PAPOLA: variants seen among roughly 807,000 people sequenced by gnomAD.
PAPOLA encodes the protein poly(A) polymerase alpha.
Under a neutral mutation model 100.6 loss-of-function variants are expected in PAPOLA, and 15 were observed. The ratio of observed to expected loss-of-function variants is 0.15; its 90% CI spans 0.10 to 0.23. The LOEUF (loss-of-function observed/expected upper bound fraction) is 0.23, where lower values mean the gene tolerates loss of function less well. PAPOLA is among the 10% of genes least tolerant of loss of function. The pLI is 1.00. For synonymous variants in PAPOLA, 293 were observed against 300.0 expected (o/e 0.98, Z 0.24); for missense variants, 533 against 884.2 (o/e 0.60, Z 5.04).
chr14:96,505,731 A>G (rs1031129917), intron 1 of PAPOLA, among the ~76,000 whole-genome samples: 4 of 152,184 alleles, frequency 2.6e-5, no homozygotes, highest in Non-Finnish European at 5.9e-5. Context: ...CAGAGGGTAC[A>G]TAATGTTCAA....
At chr14:96,512,952 C>G (rs566333159) in intron 1 of PAPOLA, among the ~76,000 whole-genome samples, 2 of 152,352 alleles carry the variant, frequency 1.3e-5, no homozygotes, top group South Asian at 4.1e-4. Flanking sequence ...AGACACTGCT[C>G]ATTTCAAGCT....
rs1902208098 is a variant in PAPOLA at position 96,565,579 on chromosome 14, C to T, written c.*529C>T. Reference sequence around the variant, plus strand: ...CTTCAGAGAAAGGGTAAGAGTACATCTAGTTCAGTTCCTATGAGGTAGCTG... The same window carrying T: ...CTTCAGAGAAAGGGTAAGAGTACATTTAGTTCAGTTCCTATGAGGTAGCTG... On this transcript the variant is annotated 3_prime_UTR_variant, in exon 22 of 22. Coordinates refer to ENST00000216277, the MANE Select transcript of PAPOLA (RefSeq NM_032632.5). 2.5e-6 allele frequency: 1 copy of T among 395,442 alleles called. No individual in the cohort carries two copies. Among genetic ancestry groups the T allele is most frequent in the Non-Finnish European group, 4.5e-6 (1 of 224,068 alleles). The allele number at this position is 395,442 out of a possible 1,614,324, so 24.5% of individuals were successfully genotyped here. A position where few individuals can be genotyped will look rare whatever the true frequency, so the allele number is the denominator to read the frequency against.
chr14:96,507,039 C>T (rs1447970284), intron 1 of PAPOLA, among the ~76,000 whole-genome samples: 9 of 152,078 alleles, frequency 5.9e-5, no homozygotes, highest in Non-Finnish European at 1.3e-4. Context: ...ATTATTTGAG[C>T]TTACAAGTTC....
intron 9 of PAPOLA, chr14:96,533,903 G>A (rs1289803617): frequency 4.1e-6 from 4 of 985,472 alleles, no homozygotes; most frequent in Non-Finnish European, 4.8e-6. Context: ...ATGTTTTTAA[G>A]AAGCTAACCT....
intron 17 of PAPOLA, among the ~76,000 whole-genome samples, chr14:96,553,998 T>TA (rs1290279264): frequency 6.6e-6 from 1 of 152,232 alleles, no homozygotes; most frequent in Non-Finnish European, 1.5e-5. Flanking sequence ...CTGTAAGTGT[T>TA]ATCATTTTAA....
intron 19 of PAPOLA, among the ~76,000 whole-genome samples, chr14:96,559,939 A>G (rs1254777937): frequency 1.3e-5 from 2 of 152,132 alleles, no homozygotes; most frequent in African/African-American, 2.4e-5. Context: ...GATTTGGCCA[A>G]TTGTGACACA....
At chr14:96,529,811 C>T (rs762102059) in intron 6 of PAPOLA, among the ~76,000 whole-genome samples, 2 of 152,106 alleles carry the variant, frequency 1.3e-5, no homozygotes, top group African/African-American at 2.4e-5. Context: ...TGAAATCATA[C>T]CCTCAGGGAT....
intron 17 of PAPOLA, among the ~76,000 whole-genome samples, chr14:96,553,840 G>A (rs1169850138): frequency 6.6e-6 from 1 of 152,192 alleles, no homozygotes; most frequent in African/African-American, 2.4e-5. Context: ...AATGGCAGAA[G>A]TGCGGGTTGG....
chr14:96,532,098 C>G (rs79482102), intron 7 of PAPOLA: 1 of 1,307,602 alleles, frequency 7.6e-7, no homozygotes, highest in Non-Finnish European at 9.7e-7. Context: ...ACTTTGGTTT[C>G]TTTGGTCAGT....
At position 96,535,963 on chromosome 14, in the gene PAPOLA, T is replaced by G; in HGVS notation, c.994T>G (p.Ser332Ala). The G allele has an allele frequency of 6.2e-7, 1 of 1,607,328 alleles. No individual in the cohort carries two copies. The highest frequency in any genetic ancestry group is 8.5e-7 in the Non-Finnish European group (1 of 1,176,458). ...GAACTCCACGTACAATGTGTCCGTT[T>G]CAACACGGATGGTCATGGTTGAGGA... ...QQNSTYNVSV[S>A]TRMVMVEEFK... The change falls in exon 11 of 22, where the codon TCA becomes GCA. Residue 332 changes from serine to alanine, a missense_variant. Around this residue, in one of 9 missense-constraint regions of PAPOLA, gnomAD observed 87 missense variants for 173.3 expected, o/e 0.50. Coordinates refer to ENST00000216277, the MANE Select transcript of PAPOLA (RefSeq NM_032632.5).
chr14:96,558,884 T>C (rs1389344141), intron 19 of PAPOLA, among the ~76,000 whole-genome samples: 1 of 152,108 alleles, frequency 6.6e-6, no homozygotes, highest in Non-Finnish European at 1.5e-5. Flanking sequence ...GTTTCATTGA[T>C]TTTTTAAAAA....
Position 96,541,673 on chromosome 14 carries a change from A to AT in PAPOLA, c.1116-560dup, listed in dbSNP as rs1394054288. On this transcript the variant is annotated intron_variant, in intron 12 of 21. Coordinates refer to ENST00000216277, the MANE Select transcript of PAPOLA (RefSeq NM_032632.5). ...TTTCTTTGTTGCTGTCATGTTAGTG[A>AT]TTTTTTTTTTCTTTTTTGATTATAG... Among the ~76,000 whole-genome samples the AT allele has an allele frequency of 4.7e-4, 70 of 149,966 alleles. 1 individual carries two copies. The Middle Eastern group carries it at 0.014, about 29-fold the overall frequency.
intron 1 of PAPOLA, among the ~76,000 whole-genome samples, chr14:96,507,858 A>G (rs1896839136): frequency 6.6e-6 from 1 of 152,024 alleles, no homozygotes. Context: ...CTGTCCATGC[A>G]GCACCTCTGG....
intron 10 of PAPOLA, 176 bp downstream of exon 10, chr14:96,534,739 G>T (rs60248045): frequency 2.1e-6 from 3 of 1,423,908 alleles, no homozygotes; most frequent in South Asian, 1.6e-5. Context: ...GATGTGAGAA[G>T]CATAATTATG....
intron 20 of PAPOLA, among the ~76,000 whole-genome samples, chr14:96,560,989 C>T (rs1454979059): frequency 1.3e-5 from 2 of 151,950 alleles, no homozygotes; most frequent in East Asian, 1.9e-4. Flanking sequence ...CTGGGGGCCA[C>T]GGGGCAAGAA....
intron 21 of PAPOLA, among the ~76,000 whole-genome samples, chr14:96,564,506 T>C (rs1295077378): frequency 6.6e-6 from 1 of 152,144 alleles, no homozygotes; most frequent in African/African-American, 2.4e-5. Flanking sequence ...ATTTGTTTAA[T>C]TTACAGTGTC....
chr14:96,558,577 T>G (rs964223050), intron 19 of PAPOLA, among the ~76,000 whole-genome samples: 1 of 152,154 alleles, frequency 6.6e-6, no homozygotes, highest in Non-Finnish European at 1.5e-5. Context: ...TTTTTAAACT[T>G]AAGTATGGAA....
chr14:96,519,432 T>C (rs1057194022), intron 1 of PAPOLA, among the ~76,000 whole-genome samples: 5 of 152,160 alleles, frequency 3.3e-5, no homozygotes, highest in African/African-American at 9.7e-5. Flanking sequence ...ATGCTATGCC[T>C]TTTTACAAAT....
chr14:96,547,696 G>T, intron 15 of PAPOLA, 101 bp from the exon 16 acceptor site: 6 of 837,832 alleles, frequency 7.2e-6, no homozygotes, highest in Middle Eastern at 3.3e-4. Context: ...ATGCAGTATT[G>T]ATGGAAAAAG....
Sources: gnomAD v4.1 joint callset for allele counts (sites outside exome capture counted in the v4.1 genomes callset) on GRCh38, gnomAD v4.1.1 for gene constraint, gnomAD v4.1.1 regional missense constraint, MANE v1.5 for transcripts, NCBI Gene and HGNC (gene_info 2026-07-23, HGNC 2026-07-21) for gene names.